Variants in NAA35 observed in about 807,000 individuals in gnomAD.
NAA35 encodes MAK10 homolog, amino-acid N-acetyltransferase subunit.
Under a neutral mutation model 101.7 loss-of-function variants are expected in NAA35, and 18 were observed. The observed-to-expected ratio is 0.18, with a 90% CI of 0.12 to 0.26. The LOEUF (loss-of-function observed/expected upper bound fraction) is 0.26, where lower values mean the gene tolerates loss of function less well. Ranked by LOEUF, NAA35 falls within the 10% of genes least tolerant of loss-of-function variation. The pLI is 1.00. For missense variants in NAA35, 601 were observed against 886.8 expected (o/e 0.68, Z 4.09); for synonymous variants, 267 against 273.1 (o/e 0.98, Z 0.22).
At chr9:85,980,936 T>C (rs569306984) in intron 11 of NAA35, among the ~76,000 whole-genome samples, 1 of 152,210 alleles carries the variant, frequency 6.6e-6, no homozygotes, top group Non-Finnish European at 1.5e-5. Context: ...GAAAGGCAAG[T>C]TTTTACTGAT....
intron 11 of NAA35, among the ~76,000 whole-genome samples, chr9:85,991,565 C>T (rs542577422): frequency 3.9e-5 from 6 of 152,032 alleles, no homozygotes; most frequent in Non-Finnish European, 7.4e-5. Context: ...AGCCTAAGCA[C>T]ACTGATGAAA....
intron 6 of NAA35, among the ~76,000 whole-genome samples, chr9:85,965,759 G>A (rs1375956967): frequency 6.6e-6 from 1 of 152,160 alleles, no homozygotes; most frequent in African/African-American, 2.4e-5. Context: ...AGTAAAGCAT[G>A]TATATAGCTT....
chr9:85,998,847 T>C (rs1425437461), intron 12 of NAA35, among the ~76,000 whole-genome samples: 2 of 152,214 alleles, frequency 1.3e-5, no homozygotes, highest in African/African-American at 4.8e-5. Context: ...CAGCCCCATG[T>C]CATTTTCTCT....
intron 11 of NAA35, among the ~76,000 whole-genome samples, chr9:85,984,377 G>T (rs1830562652): frequency 6.6e-6 from 1 of 152,066 alleles, no homozygotes; most frequent in Non-Finnish European, 1.5e-5. Flanking sequence ...ATTTCCTGGA[G>T]ACAGATGATA....
rs1334448877 is a variant in NAA35, at chr9:86,022,558, TA to T, written c.*606del. 2.0e-5 allele frequency among the ~76,000 whole-genome samples: 3 copies of T among 152,188 alleles called. No homozygotes were observed. The highest frequency in any genetic ancestry group is 4.1e-4 in the South Asian group (2 of 4,820). ...ATATATCTGTAAGAATACAGATGTG[TA>T]AAAAAAATCCTTTTAGCACTTTTAA... On this transcript the variant is annotated 3_prime_UTR_variant, in exon 23 of 23. Coordinates refer to ENST00000361671, the MANE Select transcript of NAA35 (RefSeq NM_024635.4).
intron 20 of NAA35, 106 bp downstream of exon 20, chr9:86,018,501 A>G: frequency 2.2e-6 from 3 of 1,370,448 alleles, no homozygotes; most frequent in Non-Finnish European, 2.0e-6. Flanking sequence ...TATTTAAATC[A>G]TAAGAATAAT....
chr9:86,005,958 G>A (rs1831621532), intron 13 of NAA35, among the ~76,000 whole-genome samples: 1 of 151,644 alleles, frequency 6.6e-6, no homozygotes, highest in African/African-American at 2.4e-5. Context: ...GGATCACGAG[G>A]TCAGAAGTTC....
chr9:85,972,794 G>T (rs191914424), intron 6 of NAA35, among the ~76,000 whole-genome samples: 2 of 152,258 alleles, frequency 1.3e-5, no homozygotes, highest in East Asian at 3.9e-4. Flanking sequence ...TAAGTCATTC[G>T]TTGAACACAT....
chr9:85,980,314 G>A (rs1432473805), intron 11 of NAA35, among the ~76,000 whole-genome samples: 1 of 151,618 alleles, frequency 6.6e-6, no homozygotes, highest in African/African-American at 2.4e-5. Context: ...CCATTGGTGA[G>A]CAACTGGACC....
At chr9:85,974,035 C>T (rs1830111673) in intron 6 of NAA35, among the ~76,000 whole-genome samples, 1 of 152,118 alleles carries the variant, frequency 6.6e-6, no homozygotes, top group Non-Finnish European at 1.5e-5. Flanking sequence ...CTGCTCACTG[C>T]AGCCTCCACC....
At chr9:86,018,899 T>A in intron 21 of NAA35, 78 bp downstream of exon 21, 1 of 1,540,854 alleles carries the variant, frequency 6.5e-7, no homozygotes. Flanking sequence ...GAAAGTTAAT[T>A]ATGAAAGTGA....
At chr9:85,986,205 T>A (rs537545285) in intron 11 of NAA35, among the ~76,000 whole-genome samples, 6 of 152,350 alleles carry the variant, frequency 3.9e-5, no homozygotes, top group African/African-American at 1.4e-4. Flanking sequence ...TTAAGCCTTA[T>A]GAGACAATTA....
rs776297747 is a variant in NAA35 at position 85,978,280 on chromosome 9, C to G, written c.776C>G (p.Ala259Gly). The change falls in exon 11 of 23, where the codon GCA becomes GGA. Residue 259 changes from alanine (A) to glycine (G), a missense_variant. Coordinates refer to ENST00000361671, the MANE Select transcript of NAA35 (RefSeq NM_024635.4). Reference protein sequence around the residue: ...AFTKKETSAVAEAQKLMVQAA... With the variant: ...AFTKKETSAVGEAQKLMVQAA... Reference sequence around the variant, plus strand: ...TTTATTTGCTAGACCAGTGCTGTTGCAGAAGCTCAAAAATTGATGGTTCAA... The same window carrying G: ...TTTATTTGCTAGACCAGTGCTGTTGGAGAAGCTCAAAAATTGATGGTTCAA... The G allele has an allele frequency of 5.6e-6, 9 of 1,610,522 alleles. No homozygotes were observed. In the East Asian group the frequency reaches 1.6e-4, roughly 28 times the overall value.
At chr9:85,969,488 C>A (rs1216617949) in intron 6 of NAA35, among the ~76,000 whole-genome samples, 1 of 152,140 alleles carries the variant, frequency 6.6e-6, no homozygotes, top group Admixed American at 6.6e-5. Flanking sequence ...TCTAGCAATT[C>A]TTCCCTGTGT....
intron 11 of NAA35, among the ~76,000 whole-genome samples, chr9:85,994,833 C>A (rs1831084724): frequency 6.6e-6 from 1 of 152,034 alleles, no homozygotes; most frequent in South Asian, 2.1e-4. Flanking sequence ...AGAAGGGAGA[C>A]TATAGTTAAT....
In NAA35 at chr9:86,020,983, G is replaced by A. The variant is rs1832516211; in HGVS notation, c.2118+14G>A. The A allele has an allele frequency of 6.3e-7, 1 of 1,585,996 alleles. No individual in the cohort carries two copies. Among genetic ancestry groups the A allele is most frequent in the African/African-American group, 1.4e-5 (1 of 74,056 alleles). ...AAGGAATCTAAAGTGAGTACATTGT[G>A]GGAAAAATAAGTGGTCTTAGATTAT... On this transcript the variant is annotated intron_variant, in intron 22 of 22. Coordinates refer to ENST00000361671, the MANE Select transcript of NAA35 (RefSeq NM_024635.4).
At chr9:86,021,304 TGCTTTA>T (rs1231970930) in intron 22 of NAA35, among the ~76,000 whole-genome samples, 1 of 152,208 alleles carries the variant, frequency 6.6e-6, no homozygotes, top group Non-Finnish European at 1.5e-5. Context: ...GGAAAGTGAA[TGCTTTA>T]ATAATGAAAG....
intron 11 of NAA35, among the ~76,000 whole-genome samples, chr9:85,986,123 G>A (rs1023984654): frequency 3.9e-5 from 6 of 152,194 alleles, no homozygotes; most frequent in Admixed American, 3.9e-4. Context: ...ATGTCTCGAA[G>A]ATACAAGACC....
intron 2 of NAA35, among the ~76,000 whole-genome samples, chr9:85,944,601 C>A (rs535682142): frequency 6.6e-6 from 1 of 152,310 alleles, no homozygotes; most frequent in South Asian, 2.1e-4. Context: ...AGAGTGAACA[C>A]GTACACTGCT....
Sources: allele counts gnomAD v4.1 joint callset (sites outside exome capture counted in the v4.1 genomes callset), GRCh38; gene constraint gnomAD v4.1.1; transcripts MANE v1.5; gene names NCBI Gene and HGNC (gene_info 2026-07-23, HGNC 2026-07-21).